Variants in GPC5 observed in about 807,000 individuals in gnomAD.
GPC5 encodes the protein glypican-5.
GPC5 carries 47 observed loss-of-function variants against 53.9 expected under a neutral mutation model. The ratio of observed to expected loss-of-function variants is 0.87; its 90% CI spans 0.69 to 1.11. The LOEUF (loss-of-function observed/expected upper bound fraction) is 1.11, where lower values mean the gene tolerates loss of function less well. GPC5 is among the 50% of genes most tolerant of loss of function. GPC5 has a pLI of 0.00. For synonymous variants in GPC5, 286 were observed against 263.3 expected, an observed-to-expected ratio of 1.09 and a Z score of -0.84; for missense variants, 748 against 713.1, an observed-to-expected ratio of 1.05 and a Z score of -0.56.
In GPC5 at chr13:91,402,250, A is replaced by G. The variant is rs369762300; in HGVS notation, c.163+3041A>G. ...AATCTATAGCAAGTATACTCTCGAT[A>G]TCAAGTAGTCTGTGAAAGTAACTTT... is the stretch of plus-strand genomic sequence containing the variant. On this transcript the variant is annotated intron_variant, in intron 1 of 7. Coordinates refer to ENST00000377067, the MANE Select transcript of GPC5 (RefSeq NM_004466.6). Among the ~76,000 whole-genome samples, 6 of 152,342 alleles carry G rather than the reference A, an allele frequency of 3.9e-5. No individual in the cohort carries two copies. The South Asian group carries it at 1.0e-3, about 26-fold the overall frequency.
At chr13:92,227,160 G>A in intron 7 of GPC5, among the ~76,000 whole-genome samples, 1 of 152,238 alleles carries the variant, frequency 6.6e-6, no homozygotes, top group Non-Finnish European at 1.5e-5. Flanking sequence ...TAAAGTCTCT[G>A]GACACGGAAA....
At chr13:92,481,283 G>A (rs530418709) in intron 7 of GPC5, among the ~76,000 whole-genome samples, 1 of 151,986 alleles carries the variant, frequency 6.6e-6, no homozygotes, top group Admixed American at 6.6e-5. Flanking sequence ...TGTATTTTTA[G>A]TAGGAACAGG....
intron 7 of GPC5, among the ~76,000 whole-genome samples, chr13:92,769,426 C>T (rs978279225): frequency 8.7e-5 from 13 of 149,552 alleles, no homozygotes; most frequent in African/African-American, 2.7e-4. Flanking sequence ...CTCATTAGTT[C>T]ATTAAAATTA....
At chr13:91,591,746 T>C (rs1447935446) in intron 2 of GPC5, among the ~76,000 whole-genome samples, 3 of 152,212 alleles carry the variant, frequency 2.0e-5, no homozygotes, top group Non-Finnish European at 4.4e-5. Context: ...CTTTTGATTG[T>C]ATTATGAAAT....
chr13:92,504,424 G>T (rs2080909629), intron 7 of GPC5, among the ~76,000 whole-genome samples: 2 of 151,886 alleles, frequency 1.3e-5, no homozygotes, highest in South Asian at 4.1e-4. Context: ...AAAATGATCT[G>T]TAGATTTAAT....
chr13:92,264,052 A>G (rs1204372315), intron 7 of GPC5, among the ~76,000 whole-genome samples: 2 of 152,192 alleles, frequency 1.3e-5, no homozygotes, highest in Non-Finnish European at 2.9e-5. Flanking sequence ...ATCACATTAT[A>G]TCCCATAAAT....
intron 7 of GPC5, among the ~76,000 whole-genome samples, chr13:92,630,691 TA>T (rs1445924320): frequency 6.6e-6 from 1 of 152,100 alleles, no homozygotes; most frequent in South Asian, 2.1e-4. Context: ...GAAAGTATAA[TA>T]AAAAATTTTT....
At chr13:92,490,894 C>A (rs1253743029) in intron 7 of GPC5, among the ~76,000 whole-genome samples, 1 of 152,002 alleles carries the variant, frequency 6.6e-6, no homozygotes, top group African/African-American at 2.4e-5. Flanking sequence ...CAGTGGAAAT[C>A]TTTGTACTTA....
intron 7 of GPC5, among the ~76,000 whole-genome samples, chr13:92,726,156 T>C (rs1807436155): frequency 6.6e-6 from 1 of 151,452 alleles, no homozygotes. Flanking sequence ...AAGGTGATGC[T>C]TTTAACTGAA....
At chr13:92,381,082 T>G (rs1782335743) in intron 7 of GPC5, among the ~76,000 whole-genome samples, 1 of 152,146 alleles carries the variant, frequency 6.6e-6, no homozygotes. Flanking sequence ...CAGAAATAAT[T>G]AAATATTTTA....
intron 7 of GPC5, among the ~76,000 whole-genome samples, chr13:92,742,488 G>T (rs1471287839): frequency 1.3e-5 from 2 of 149,822 alleles, no homozygotes; most frequent in Non-Finnish European, 3.0e-5. Flanking sequence ...TTAGCCCTTT[G>T]TCAGATGAGT....
chr13:92,017,858 C>G (rs185852627), intron 6 of GPC5, among the ~76,000 whole-genome samples: 3 of 145,274 alleles, frequency 2.1e-5, no homozygotes, highest in Admixed American at 6.7e-5. Context: ...ACAAAATACA[C>G]ACATACGCGT....
intron 6 of GPC5, among the ~76,000 whole-genome samples, chr13:92,060,646 T>G (rs1336349834): frequency 1.3e-5 from 2 of 151,998 alleles, no homozygotes; most frequent in African/African-American, 4.8e-5. Context: ...GGCTATGAAA[T>G]AGCTATCCAG....
intron 7 of GPC5, chr13:92,241,525 T>A (rs1312188424): frequency 2.0e-5 from 3 of 152,220 alleles, no homozygotes; most frequent in African/African-American, 7.2e-5. Context: ...AGAATTGGAA[T>A]ACTCCAGCTC....
chr13:92,651,664 T>A (rs1448964853), intron 7 of GPC5, among the ~76,000 whole-genome samples: 1 of 152,194 alleles, frequency 6.6e-6, no homozygotes, highest in Non-Finnish European at 1.5e-5. Flanking sequence ...CAGTTAATAA[T>A]ATATCAATAT....
intron 7 of GPC5, among the ~76,000 whole-genome samples, chr13:92,828,243 C>T (rs1213743303): frequency 2.0e-5 from 3 of 152,022 alleles, no homozygotes; most frequent in Non-Finnish European, 4.4e-5. Context: ...GAAGCTGCTC[C>T]CCCACCACAC....
At chr13:92,462,184 T>C (rs1878512898) in intron 7 of GPC5, among the ~76,000 whole-genome samples, 1 of 152,136 alleles carries the variant, frequency 6.6e-6, no homozygotes, top group African/African-American at 2.4e-5. Flanking sequence ...GTGATCTGAT[T>C]GACATTTTCG....
intron 3 of GPC5, among the ~76,000 whole-genome samples, chr13:91,715,500 C>G (rs554702132): frequency 6.6e-6 from 1 of 151,978 alleles, no homozygotes; most frequent in Non-Finnish European, 1.5e-5. Flanking sequence ...CAAAAAAGAA[C>G]AAAATGTAAA....
chr13:92,558,447 C>T (rs9301820), intron 7 of GPC5, among the ~76,000 whole-genome samples: 10,318 of 151,880 alleles, frequency 0.068, 1,022 homozygotes, highest in African/African-American at 0.22. Context: ...TTAACCAATG[C>T]CATCCAAGTA....
Sources: gnomAD v4.1 joint callset for allele counts (sites outside exome capture counted in the v4.1 genomes callset) on GRCh38, gnomAD v4.1.1 for gene constraint, MANE v1.5 for transcripts, NCBI Gene and HGNC (gene_info 2026-07-23, HGNC 2026-07-21) for gene names.